COL4A4: variants seen among roughly 807,000 people sequenced by gnomAD.
COL4A4 encodes the protein collagen type IV alpha 4 chain.
COL4A4 carries 105 observed loss-of-function variants against 192.9 expected under a neutral mutation model. The observed-to-expected ratio is 0.54, with a 90% CI of 0.46 to 0.64. The LOEUF (loss-of-function observed/expected upper bound fraction) is 0.64, where lower values mean the gene tolerates loss of function less well. Among genes scored for constraint, COL4A4 ranks in the 30% least tolerant of loss-of-function variants. The pLI, the probability that COL4A4 is intolerant of heterozygous loss-of-function variation, is 0.00. For missense variants in COL4A4, 1,967 were observed against 2,169.3 expected (o/e 0.91, Z 1.85); for synonymous variants, 762 against 769.9 (o/e 0.99, Z 0.17).
chr2:227,072,917 T>C (rs903382368), intron 25 of COL4A4, among the ~76,000 whole-genome samples: 9 of 151,996 alleles, frequency 5.9e-5, no homozygotes, highest in Non-Finnish European at 1.3e-4. Context: ...TAACTATGTA[T>C]GACAAACCCA....
At chr2:227,128,077 A>T (rs1174774500) in intron 4 of COL4A4, among the ~76,000 whole-genome samples, 1 of 152,174 alleles carries the variant, frequency 6.6e-6, no homozygotes, top group Non-Finnish European at 1.5e-5. Context: ...AGCAACACTG[A>T]ATAGTGTAGG....
chr2:227,144,023 G>C (rs2125341647), intron 3 of COL4A4, among the ~76,000 whole-genome samples: 1 of 152,332 alleles, frequency 6.6e-6, no homozygotes, highest in East Asian at 1.9e-4. Context: ...ATGTTCACTA[G>C]AGTGATTTAA....
intron 4 of COL4A4, among the ~76,000 whole-genome samples, chr2:227,128,755 C>T (rs1270840015): frequency 1.3e-5 from 2 of 152,150 alleles, no homozygotes; most frequent in Non-Finnish European, 2.9e-5. Context: ...AACTCTCGCA[C>T]GGGTTCCACA....
At chr2:226,990,866 G>T in the COL4A4 span, among the ~76,000 whole-genome samples, 241 of 152,206 alleles carry the variant, frequency 1.6e-3, 1 homozygote, top group African/African-American at 5.6e-3. Context: ...CAGAGGCAAG[G>T]CTCATAAATA....
In COL4A4 at chr2:227,006,108, A is replaced by C. The variant is rs1319717049; in HGVS notation, c.*1217T>G. On this transcript the variant is annotated 3_prime_UTR_variant, in exon 48 of 48. Coordinates refer to ENST00000396625, the MANE Select transcript of COL4A4 (RefSeq NM_000092.5). ...GTAACAGCCAACCACGGGAGCATAA[A>C]ATTCAAATTATAAATTGTCTTTGTT... The C allele has an allele frequency of 2.6e-5, 4 of 152,658 alleles. No individual in the cohort carries two copies. Among genetic ancestry groups the C allele is most frequent in the Non-Finnish European group, 5.9e-5 (4 of 68,046 alleles). 9.5% of individuals were successfully genotyped at this position (152,658 alleles called of 1,614,324 possible). A position where few individuals can be genotyped will look rare whatever the true frequency, so the allele number is the denominator to read the frequency against.
At chr2:226,969,716 T>C in the COL4A4 span, among the ~76,000 whole-genome samples, 1 of 152,234 alleles carries the variant, frequency 6.6e-6, no homozygotes, top group Non-Finnish European at 1.5e-5. Context: ...GTAATCCATA[T>C]GTTCCTGAGT....
At position 227,055,993 on chromosome 2, in the gene COL4A4, G is replaced by C. The variant is rs762460101; in HGVS notation, c.2668C>G (p.Pro890Ala). ...AGCCCATCATCTCCAAAGGGACCTG[G>C]GATTCCTGGGAGGCCTGGGGGACCA... The part of the protein sequence containing the change: ...AHGPPGLPGI[P>A]GPFGDDGLPG... The change falls in exon 30 of 48, where the codon CCA becomes GCA. Residue 890 changes from proline (P) to alanine (A), a missense_variant. Coordinates refer to ENST00000396625, the MANE Select transcript of COL4A4 (RefSeq NM_000092.5). 16 of 1,613,918 alleles carry C rather than the reference G, an allele frequency of 9.9e-6. No homozygotes were observed. In the African/African-American group the frequency reaches 2.1e-4, roughly 22 times the overall value.
At chr2:226,988,693 A>G in the COL4A4 span, 4 of 975,224 alleles carry the variant, frequency 4.1e-6, no homozygotes, top group African/African-American at 1.7e-5. Context: ...TACTTTTTCT[A>G]TCATTTTACA....
At chr2:227,032,944 A>G (rs1968754908) in intron 38 of COL4A4, among the ~76,000 whole-genome samples, 1 of 152,176 alleles carries the variant, frequency 6.6e-6, no homozygotes, top group South Asian at 2.1e-4. Flanking sequence ...TCAAAGATTA[A>G]CCTGTTTGCG....
chr2:227,011,295 A>G (rs1013704973), intron 45 of COL4A4, among the ~76,000 whole-genome samples: 9 of 152,144 alleles, frequency 5.9e-5, no homozygotes, highest in African/African-American at 2.2e-4. Context: ...CCCCATCTAC[A>G]CTGTCAACCA....
the COL4A4 span, chr2:226,988,614 C>A: frequency 9.6e-6 from 13 of 1,351,952 alleles, no homozygotes; most frequent in Non-Finnish European, 1.2e-5. Context: ...AGCTGCCCCT[C>A]CGAGCAGACA....
At chr2:227,014,952 G>A (rs1016380001) in intron 44 of COL4A4, among the ~76,000 whole-genome samples, 2 of 145,690 alleles carry the variant, frequency 1.4e-5, no homozygotes, top group Admixed American at 7.0e-5. Context: ...ATGCTGGAGT[G>A]CAATGGCATG....
At chr2:227,046,340 A>G (rs1371692608) in intron 35 of COL4A4, among the ~76,000 whole-genome samples, 1 of 113,936 alleles carries the variant, frequency 8.8e-6, no homozygotes, top group African/African-American at 3.6e-5. Flanking sequence ...AAGATAATGC[A>G]CAAAATTATT....
the COL4A4 span, among the ~76,000 whole-genome samples, chr2:226,985,858 C>T: frequency 6.6e-6 from 1 of 152,272 alleles, no homozygotes; most frequent in East Asian, 1.9e-4. Context: ...GAGATGCCCA[C>T]TCCTACCTCT....
chr2:227,114,032 C>A (rs559514573), intron 8 of COL4A4, among the ~76,000 whole-genome samples: 1 of 152,310 alleles, frequency 6.6e-6, no homozygotes, highest in African/African-American at 2.4e-5. Flanking sequence ...ACATCACTCC[C>A]TGCTGAAAAC....
the COL4A4 span, among the ~76,000 whole-genome samples, chr2:226,992,501 T>C: frequency 6.6e-6 from 1 of 152,160 alleles, no homozygotes; most frequent in African/African-American, 2.4e-5. Context: ...CGGGCATTAT[T>C]GTGGTTTGGG....
At position 227,050,979 on chromosome 2, in the gene COL4A4, G is replaced by A. The variant is rs1260668396; in HGVS notation, c.3148C>T (p.Gln1050Ter). ...CCCACAAAGCAGTAGCCCCTTACCTGGTCACCTGGAAGTCCTGGAAAACCA... is the reference window on the plus strand; with the variant it reads ...CCCACAAAGCAGTAGCCCCTTACCTAGTCACCTGGAAGTCCTGGAAAACCA... ...FIGFPGLPGD[Q>*]GEPGSPGPPG... Residue 1050 changes from glutamine (Q) to a stop codon, truncating the protein, a stop_gained and splice_region_variant, in exon 33 of 48, where the codon CAG (glutamine) becomes TAG (stop). Coordinates refer to ENST00000396625, the MANE Select transcript of COL4A4 (RefSeq NM_000092.5). LOFTEE classifies it high-confidence loss of function. 6.2e-7 allele frequency: 1 copy of A among 1,614,180 alleles called. No individual in the cohort carries two copies. Among genetic ancestry groups the A allele is most frequent in the Non-Finnish European group, 8.5e-7 (1 of 1,180,030 alleles).
intron 25 of COL4A4, among the ~76,000 whole-genome samples, chr2:227,076,948 C>A (rs1335747692): frequency 6.6e-6 from 1 of 152,144 alleles, no homozygotes; most frequent in Non-Finnish European, 1.5e-5. Context: ...GATACCATCT[C>A]ACGGCAGTTA....
chr2:226,980,119 T>C, the COL4A4 span, among the ~76,000 whole-genome samples: 1 of 152,264 alleles, frequency 6.6e-6, no homozygotes, highest in South Asian at 2.1e-4. Context: ...CCACTTACCT[T>C]TCATTGCTTT....
Sources: gnomAD v4.1 joint callset for allele counts (sites outside exome capture counted in the v4.1 genomes callset) on GRCh38, gnomAD v4.1.1 for gene constraint, MANE v1.5 for transcripts, NCBI Gene and HGNC (gene_info 2026-07-23, HGNC 2026-07-21) for gene names.